DDAH1: variants seen among roughly 807,000 people sequenced by gnomAD.
The protein encoded by DDAH1 is N(G),N(G)-dimethylarginine dimethylaminohydrolase 1.
In DDAH1, 19 loss-of-function variants were observed where a neutral mutation model predicts 28.8. The observed-to-expected ratio is 0.66, with a 90% CI of 0.46 to 0.97. The LOEUF (loss-of-function observed/expected upper bound fraction) is 0.97. DDAH1 is among the 50% of genes least tolerant of loss of function. The pLI is 0.00. For synonymous variants in DDAH1, 153 were observed against 154.4 expected (o/e 0.99, Z 0.07); for missense variants, 326 against 375.9 (o/e 0.87, Z 1.10).
chr1:85,400,578 A>T (rs1194498991), intron 1 of DDAH1, among the ~76,000 whole-genome samples: 1 of 152,118 alleles, frequency 6.6e-6, no homozygotes. Flanking sequence ...ACTGAACTGT[A>T]CCTACTGGTA....
At chr1:85,323,409 A>G (rs527399167) in intron 5 of DDAH1, among the ~76,000 whole-genome samples, 3 of 152,278 alleles carry the variant, frequency 2.0e-5, no homozygotes, top group African/African-American at 7.2e-5. Flanking sequence ...CGAAATTACT[A>G]AAGTATATAG....
At chr1:85,451,702 T>C (rs192078210) in intron 1 of DDAH1, among the ~76,000 whole-genome samples, 31 of 152,234 alleles carry the variant, frequency 2.0e-4, no homozygotes, top group Non-Finnish European at 4.1e-4. Flanking sequence ...GAGGTATGCA[T>C]GCTAGAGGGG....
chr1:85,578,045 C>A, exon 1 of DDAH1: 20 of 985,160 alleles, frequency 2.0e-5, no homozygotes, highest in Non-Finnish European at 2.4e-5. Context: ...CGGCTCCCAG[C>A]GGAGGCGGCG....
chr1:85,397,109 T>TA (rs1218975102), intron 1 of DDAH1, among the ~76,000 whole-genome samples: 1 of 152,186 alleles, frequency 6.6e-6, no homozygotes, highest in Non-Finnish European at 1.5e-5. Flanking sequence ...GTTATTATGT[T>TA]AAAATGTTGT....
upstream of DDAH1, among the ~76,000 whole-genome samples, chr1:85,469,957 C>T (rs1655561073): frequency 6.6e-6 from 1 of 152,180 alleles, no homozygotes; most frequent in Non-Finnish European, 1.5e-5. Flanking sequence ...TGTTGATTAA[C>T]ACAGGGGCAA....
chr1:85,475,536 A>G (rs1423920146), intron 2 of DDAH1, among the ~76,000 whole-genome samples: 1 of 152,242 alleles, frequency 6.6e-6, no homozygotes, highest in African/African-American at 2.4e-5. Context: ...AAATTTTGGT[A>G]AGAATTACCT....
intron 1 of DDAH1, among the ~76,000 whole-genome samples, chr1:85,543,543 G>A (rs528188465): frequency 1.6e-4 from 25 of 152,210 alleles, no homozygotes; most frequent in East Asian, 1.5e-3. Flanking sequence ...GGTAATTTCC[G>A]CAATGGTTTA....
chr1:85,404,506 T>G (rs1490656357), intron 1 of DDAH1: 1 of 1,462,788 alleles, frequency 6.8e-7, no homozygotes, highest in Non-Finnish European at 9.0e-7. Context: ...TGACCCGGAT[T>G]GAGCCATGGA....
chr1:85,344,850 T>C (rs986475024), intron 4 of DDAH1, among the ~76,000 whole-genome samples: 3 of 152,076 alleles, frequency 2.0e-5, no homozygotes, highest in Non-Finnish European at 2.9e-5. Context: ...TTCTTATGTC[T>C]TTTTCCCCCT....
chr1:85,524,292 G>A (rs1270823820), intron 1 of DDAH1, among the ~76,000 whole-genome samples: 1 of 43,098 alleles, frequency 2.3e-5, no homozygotes, highest in East Asian at 5.8e-4. Flanking sequence ...AGGGTGCTGT[G>A]GGAGTTGAGA....
chr1:85,514,227 C>T (rs557262809), intron 1 of DDAH1, among the ~76,000 whole-genome samples: 2 of 152,278 alleles, frequency 1.3e-5, no homozygotes, highest in East Asian at 3.9e-4. Flanking sequence ...GGTTCATGTC[C>T]TTTGCAGGGA....
chr1:85,417,561 C>T (rs1444580623), intron 1 of DDAH1, among the ~76,000 whole-genome samples: 1 of 152,112 alleles, frequency 6.6e-6, no homozygotes, highest in Non-Finnish European at 1.5e-5. Context: ...AAACAGGATC[C>T]CTTTGAAGAA....
intron 1 of DDAH1, among the ~76,000 whole-genome samples, chr1:85,455,118 T>C (rs1654827966): frequency 6.6e-6 from 1 of 152,166 alleles, no homozygotes; most frequent in Admixed American, 6.6e-5. Context: ...AAGTACTAGA[T>C]CTAAATCTCT....
intron 1 of DDAH1, among the ~76,000 whole-genome samples, chr1:85,496,698 A>C (rs1656607124): frequency 6.6e-6 from 1 of 152,248 alleles, no homozygotes; most frequent in South Asian, 2.1e-4. Context: ...ACAGCAAATT[A>C]ATTGAATTAT....
At chr1:85,559,283 A>T (rs1004390311) in intron 1 of DDAH1, among the ~76,000 whole-genome samples, 2 of 152,296 alleles carry the variant, frequency 1.3e-5, no homozygotes, top group South Asian at 4.1e-4. Context: ...CTATCTCTTG[A>T]GTGAAAGTTA....
chr1:85,501,855 A>G (rs1570614964), intron 1 of DDAH1, among the ~76,000 whole-genome samples: 1 of 152,340 alleles, frequency 6.6e-6, no homozygotes, highest in East Asian at 1.9e-4. Flanking sequence ...GAAGTCCTTC[A>G]CACTGGATAC....
chr1:85,401,469 G>C (rs1465022566), intron 1 of DDAH1, among the ~76,000 whole-genome samples: 1 of 151,074 alleles, frequency 6.6e-6, no homozygotes, highest in Non-Finnish European at 1.5e-5. Flanking sequence ...TGGATTTTAA[G>C]AGACGCAGCT....
intron 3 of DDAH1, among the ~76,000 whole-genome samples, chr1:85,350,877 C>T (rs1362071415): frequency 6.6e-6 from 1 of 152,044 alleles, no homozygotes; most frequent in Non-Finnish European, 1.5e-5. Flanking sequence ...AGAGTTATAT[C>T]CCTTCCTATG....
chr1:85,404,247 G>C, intron 1 of DDAH1: 1 of 723,432 alleles, frequency 1.4e-6, no homozygotes. Context: ...TCCATTTCTA[G>C]AATCCACTTC....
Sources: gnomAD v4.1 joint callset for allele counts (sites outside exome capture counted in the v4.1 genomes callset) on GRCh38, gnomAD v4.1.1 for gene constraint, MANE v1.5 for transcripts, NCBI Gene and HGNC (gene_info 2026-07-23, HGNC 2026-07-21) for gene names.